KNTC1: variants seen among roughly 807,000 people sequenced by gnomAD.
KNTC1 encodes the protein kinetochore associated 1, also known as kinetochore-associated protein 1.
KNTC1 carries 253 observed loss-of-function variants against 314.4 expected under a neutral mutation model. The ratio of observed to expected loss-of-function variants is 0.80; its 90% CI spans 0.73 to 0.89. The LOEUF is 0.89. KNTC1 is among the 40% of genes least tolerant of loss of function. The pLI, the probability that KNTC1 is intolerant of heterozygous loss-of-function variation, is 0.00. For synonymous variants in KNTC1, 901 were observed against 901.4 expected (o/e 1.00, Z 0.01); for missense variants, 2,475 against 2,572.9 (o/e 0.96, Z 0.82).
chr12:122,594,057 A>G (rs1202856050), intron 42 of KNTC1: 1 of 493,990 alleles, frequency 2.0e-6, no homozygotes, highest in Non-Finnish European at 3.6e-6. Flanking sequence ...TTTCAGATGA[A>G]GAGGCAATGG....
chr12:122,596,957 T>C (rs1871135698), intron 43 of KNTC1, among the ~76,000 whole-genome samples: 1 of 152,204 alleles, frequency 6.6e-6, no homozygotes, highest in Admixed American at 6.5e-5. Flanking sequence ...TTTTGTTTGG[T>C]TTGCTCTTCC....
chr12:122,597,724 C>G lies in KNTC1; in HGVS notation c.4356-7C>G, dbSNP rs367985136. The G allele has an allele frequency of 1.9e-6, 3 of 1,613,264 alleles. No individual in the cohort carries two copies. Among genetic ancestry groups the G allele is most frequent in the African/African-American group, 2.7e-5 (2 of 75,028 alleles). On this transcript the variant is annotated splice_region_variant and splice_polypyrimidine_tract_variant and intron_variant, in intron 43 of 63. Transcript: ENST00000333479. ...GGAGACTGGTGTGTATTGAATGCTTCTTTTAGCACATTTCAGTTGGACTGC... is the reference window on the plus strand; with the variant it reads ...GGAGACTGGTGTGTATTGAATGCTTGTTTTAGCACATTTCAGTTGGACTGC...
At chr12:122,584,770 G>A in intron 35 of KNTC1, 123 bp from the exon 36 acceptor site, 1 of 617,280 alleles carries the variant, frequency 1.6e-6, no homozygotes, top group Non-Finnish European at 2.8e-6. Flanking sequence ...AAAGCTATAT[G>A]GAACCTTTCT....
chr12:122,614,400 CT>C (rs1873529525), intron 55 of KNTC1, among the ~76,000 whole-genome samples: 1 of 152,100 alleles, frequency 6.6e-6, no homozygotes, highest in Non-Finnish European at 1.5e-5. Context: ...GGGATTTAGC[CT>C]CTGAGTCAGT....
intron 26 of KNTC1, among the ~76,000 whole-genome samples, chr12:122,574,035 A>C (rs1355610577): frequency 1.3e-5 from 2 of 152,186 alleles, no homozygotes; most frequent in Non-Finnish European, 2.9e-5. Flanking sequence ...CAGTAATCTT[A>C]TTTGTAGATT....
At position 122,551,502 on chromosome 12, in the gene KNTC1, C is replaced by T. The variant is rs549673609; in HGVS notation, c.1175C>T (p.Thr392Met). The change falls in exon 15 of 64, where the codon ACG becomes ATG. Residue 392 changes from threonine (T) to methionine (M), a missense_variant. By Grantham distance (81) the Thr-to-Met change is moderately conservative. Transcript: ENST00000333479. Reference protein sequence around the residue: ...SVSVLVLRCLTEALPENRLSR... With the variant: ...SVSVLVLRCLMEALPENRLSR... ...TCTGTGTTAGTACTCAGATGTCTTA[C>T]GGAAGCTTTACCAGAAAACAGGTAA... 148 of 1,599,834 alleles carry T rather than the reference C, an allele frequency of 9.3e-5. No homozygotes were observed. Among genetic ancestry groups the T allele is most frequent in the African/African-American group, 3.3e-4 (25 of 74,810 alleles).
chr12:122,540,425 G>C (rs1962212771), intron 5 of KNTC1, among the ~76,000 whole-genome samples: 1 of 151,962 alleles, frequency 6.6e-6, no homozygotes, highest in South Asian at 2.1e-4. Context: ...GCCCGCCTCA[G>C]GTGATCTGCC....
At chr12:122,584,833 T>G in intron 35 of KNTC1, 60 bp from the exon 36 acceptor site, 1 of 880,818 alleles carries the variant, frequency 1.1e-6, no homozygotes, top group Non-Finnish European at 1.8e-6. Context: ...TAAAAGGTTG[T>G]TTTCATTATC....
At chr12:122,578,283 A>G (rs1201943266) in intron 31 of KNTC1, among the ~76,000 whole-genome samples, 1 of 151,862 alleles carries the variant, frequency 6.6e-6, no homozygotes, top group African/African-American at 2.4e-5. Context: ...TTTAAATATT[A>G]TATATAGGAG....
At chr12:122,548,530 T>A (rs1019540633) in intron 12 of KNTC1, among the ~76,000 whole-genome samples, 1 of 152,024 alleles carries the variant, frequency 6.6e-6, no homozygotes, top group Non-Finnish European at 1.5e-5. Context: ...TTTATTAGAG[T>A]GACTCTTACG....
At chr12:122,586,849 G>A in intron 38 of KNTC1, 92 bp downstream of exon 38, 1 of 351,244 alleles carries the variant, frequency 2.8e-6, no homozygotes, top group Non-Finnish European at 4.3e-6. Context: ...GTCTTGCTCT[G>A]TTGCCCAGGC....
Position 122,604,562 on chromosome 12 carries a change from AG to A in KNTC1, c.5102del. ...ATTTATTTATTTATTTATTTATTTT[AG>A]GTTCCTTCAAGATATCTGCTTTGAA... On this transcript the variant is annotated splice_acceptor_variant, in intron 48 of 63. Transcript: ENST00000333479. LOFTEE classifies it high-confidence loss of function. 1 of 1,369,170 alleles carries A rather than the reference AG, an allele frequency of 7.3e-7. No individual in the cohort carries two copies. Among genetic ancestry groups the A allele is most frequent in the Non-Finnish European group, 1.0e-6 (1 of 965,474 alleles). 84.8% of individuals were successfully genotyped at this position (1,369,170 alleles called of 1,614,324 possible).
At position 122,601,607 on chromosome 12, in the gene KNTC1, C is replaced by A; in HGVS notation, c.4635C>A (p.Thr1545=). 1.3e-6 allele frequency: 2 copies of A among 1,526,742 alleles called. No homozygotes were observed. The highest frequency in any genetic ancestry group is 2.5e-5 in the South Asian group (2 of 78,484). 94.6% of individuals were successfully genotyped at this position (1,526,742 alleles called of 1,614,324 possible). A position where few individuals can be genotyped will look rare whatever the true frequency, so the allele number is the denominator to read the frequency against. ...KVIERADEKI[T]NININQALSI... is the part of the protein sequence containing the mutation. ...TAGAACGAGCTGATGAAAAGATAAC[C>A]AATATTAATATTAATCAGGTATAAC... The change falls in exon 45 of 64, where the codon ACC becomes ACA. Residue 1545 remains threonine (T), a synonymous_variant. Coordinates refer to ENST00000333479, the MANE Select transcript of KNTC1 (RefSeq NM_014708.6).
chr12:122,597,754 C>T lies in KNTC1; in HGVS notation c.4379C>T (p.Ala1460Val). The T allele has an allele frequency of 6.2e-7, 1 of 1,613,846 alleles. No homozygotes were observed. ...YCSTFQLDCDAVLQLFIETLL... is the reference protein window; with the variant it reads ...YCSTFQLDCDVVLQLFIETLL... The stretch of plus-strand genomic sequence containing the variant: ...AGCACATTTCAGTTGGACTGCGATG[C>T]AGTTCTTCAGCTCTTCATTGAAACG... Residue 1460 changes from alanine to valine, a missense_variant, in exon 44 of 64, where the codon GCA becomes GTA. Coordinates refer to ENST00000333479, the MANE Select transcript of KNTC1 (RefSeq NM_014708.6).
chr12:122,585,097 G>T (rs866802239), intron 36 of KNTC1, 107 bp downstream of exon 36: 5 of 666,248 alleles, frequency 7.5e-6, no homozygotes, highest in Non-Finnish European at 1.1e-5. Flanking sequence ...GAGTGCAGTG[G>T]CATGATCAAG....
chr12:122,571,619 A>C (rs1000963870), intron 24 of KNTC1, among the ~76,000 whole-genome samples: 3 of 151,952 alleles, frequency 2.0e-5, no homozygotes, highest in African/African-American at 7.3e-5. Context: ...TGGGCTTCCC[A>C]AAGTGCTGGG....
intron 2 of KNTC1, among the ~76,000 whole-genome samples, chr12:122,533,951 A>G (rs569257336): frequency 2.0e-5 from 3 of 150,646 alleles, no homozygotes; most frequent in East Asian, 3.9e-4. Flanking sequence ...ACTCTTTTAC[A>G]TGGAGTTAGT....
rs1873188832 is a variant in KNTC1, at chr12:122,612,067, TTG to T, written c.5623-1041_5623-1040del. Among the ~76,000 whole-genome samples, 3 of 151,194 alleles carry T rather than the reference TTG, an allele frequency of 2.0e-5. No homozygotes were observed. In the South Asian group the frequency reaches 6.2e-4, roughly 31 times the overall value. Reference sequence around the variant, plus strand: ...TCATCAAGAACATTCTGGTTTTTTTTTGTGTTTTTTTTTTTTGAGATGGAGTC... The same window carrying T: ...TCATCAAGAACATTCTGGTTTTTTTTTGTTTTTTTTTTTTGAGATGGAGTC... On this transcript the variant is annotated intron_variant, in intron 53 of 63. Transcript: ENST00000333479.
intron 5 of KNTC1, among the ~76,000 whole-genome samples, chr12:122,541,287 G>GCCTGCCTGCCTTCCTT (rs758235054): frequency 1.1e-3 from 128 of 120,978 alleles, no homozygotes; most frequent in South Asian, 4.4e-3. Flanking sequence ...CTGCCTGCCT[G>GCCTGCCTGCCTTCCTT]CCTTCCTTCC....
Sources: gnomAD v4.1 joint callset for allele counts (sites outside exome capture counted in the v4.1 genomes callset) on GRCh38, gnomAD v4.1.1 for gene constraint, MANE v1.5 for transcripts, NCBI Gene and HGNC (gene_info 2026-07-23, HGNC 2026-07-21) for gene names.